The following LEUTX variants were observed in gnomAD, a reference collection of about 807,000 sequenced individuals.
LEUTX encodes paired-like homeodomain transcription factor LEUTX.
Under a neutral mutation model 4.5 loss-of-function variants are expected in LEUTX, and 5 were observed. The observed-to-expected ratio is 1.11, with a 90% confidence interval of 0.58 to 2.34. LEUTX has a LOEUF of 2.34. Ranked by LOEUF, LEUTX falls within the 30% of genes most tolerant of loss-of-function variation. The probability of loss-of-function intolerance (pLI) is 0.01; values close to 1 mark genes in which losing one functional copy is unlikely to be tolerated. For synonymous variants in LEUTX, 89 were observed against 85.1 expected, an observed-to-expected ratio of 1.05 and a Z score of -0.25; for missense variants, 233 against 239.4, an observed-to-expected ratio of 0.97 and a Z score of 0.18.
intron 1 of LEUTX, among the ~76,000 whole-genome samples, 191 bp downstream of exon 1, chr19:39,779,118 C>G (rs1967845454): frequency 6.6e-6 from 1 of 152,104 alleles, no homozygotes; most frequent in Non-Finnish European, 1.5e-5. Flanking sequence ...ATTTGTTTCT[C>G]CACATCTCTT....
intron 1 of LEUTX, among the ~76,000 whole-genome samples, chr19:39,780,069 T>G (rs1174178728): frequency 1.3e-5 from 2 of 152,230 alleles, no homozygotes; most frequent in Non-Finnish European, 2.9e-5. Flanking sequence ...TTTAGTTACA[T>G]TTTATTTTAA....
intron 1 of LEUTX, among the ~76,000 whole-genome samples, chr19:39,783,965 G>A (rs1967925756): frequency 1.3e-5 from 2 of 151,986 alleles, no homozygotes; most frequent in South Asian, 4.1e-4. Context: ...CTTTTGCCAT[G>A]CAAAATCTCT....
chr19:39,785,692 C>G lies in LEUTX; in HGVS notation c.160-6C>G. Reference sequence around the variant, plus strand: ...ATTATTAACCTCCCCCCTCCTCCCTCCTTAGATCTGGTTCAAGAACCAGCG... The same window carrying G: ...ATTATTAACCTCCCCCCTCCTCCCTGCTTAGATCTGGTTCAAGAACCAGCG... On this transcript the variant is annotated splice_region_variant and splice_polypyrimidine_tract_variant and intron_variant, in intron 2 of 2. Transcript: ENST00000638280. 6.4e-7 allele frequency: 1 copy of G among 1,551,028 alleles called. No homozygotes were observed.
chr19:39,780,491 ATC>A (rs1337088652), intron 1 of LEUTX, among the ~76,000 whole-genome samples: 1 of 152,128 alleles, frequency 6.6e-6, no homozygotes, highest in Non-Finnish European at 1.5e-5. Flanking sequence ...CCTGTGCCTC[ATC>A]TCTCAAATCT....
At chr19:39,779,543 G>A (rs76172757) in intron 1 of LEUTX, among the ~76,000 whole-genome samples, 1,624 of 151,200 alleles carry the variant, frequency 0.011, 27 homozygotes, top group African/African-American at 0.038. Flanking sequence ...GAATATTTTT[G>A]TTGTCTTCTA....
rs79083628 is a variant in LEUTX at position 39,785,623 on chromosome 19, G to A, written c.160-75G>A. 4.0e-4 allele frequency: 485 copies of A among 1,225,328 alleles called. No homozygotes were observed. The East Asian group carries it at 9.9e-3, about 25-fold the overall frequency. The allele number at this position is 1,225,328 out of a possible 1,614,324, so 75.9% of individuals were successfully genotyped here. ...AGACTCTCTCTCACACCAAAAAACCGAATTCCTGAGGAACATGAGGATGCC... is the reference window on the plus strand; with the variant it reads ...AGACTCTCTCTCACACCAAAAAACCAAATTCCTGAGGAACATGAGGATGCC... On this transcript the variant is annotated intron_variant, in intron 2 of 2. Coordinates refer to ENST00000638280, the MANE Select transcript of LEUTX (RefSeq NM_001382345.1).
At chr19:39,776,955 T>G (rs1967805693), upstream of LEUTX, among the ~76,000 whole-genome samples, 1 of 152,212 alleles carries the variant, frequency 6.6e-6, no homozygotes, top group South Asian at 2.1e-4. Flanking sequence ...TGTCCTTCAC[T>G]TGGAATAAAA....
chr19:39,778,340 G>C (rs1967830458), upstream of LEUTX, among the ~76,000 whole-genome samples: 1 of 152,106 alleles, frequency 6.6e-6, no homozygotes, highest in Non-Finnish European at 1.5e-5. Context: ...TATGGTTTAG[G>C]CTCTGCCAAG....
In LEUTX at chr19:39,786,038, A is replaced by G; in HGVS notation, c.500A>G (p.Lys167Arg). The G allele has an allele frequency of 6.4e-7, 1 of 1,551,726 alleles. No individual in the cohort carries two copies. The highest frequency in any genetic ancestry group is 1.2e-5 in the South Asian group (1 of 84,066). The change falls in exon 3 of 3, where the codon AAG becomes AGG. Residue 167 changes from lysine to arginine, a missense_variant. Transcript: ENST00000638280. ...STLFEIDEFVKIYDLPGEDDT... is the reference protein window; with the variant it reads ...STLFEIDEFVRIYDLPGEDDT... ...CTCTTTGAAATAGATGAATTTGTAA[A>G]GATCTATGACTTGCCAGGGGAAGAT...
At chr19:39,781,859 G>A (rs1207777081) in intron 1 of LEUTX, among the ~76,000 whole-genome samples, 1 of 152,174 alleles carries the variant, frequency 6.6e-6, no homozygotes, top group Non-Finnish European at 1.5e-5. Flanking sequence ...GTAATTAACA[G>A]ACTTGCTTCT....
chr19:39,786,191 C>A lies in LEUTX; in HGVS notation c.*56C>A, dbSNP rs1599619349. 2.3e-6 allele frequency: 3 copies of A among 1,309,306 alleles called. No homozygotes were observed. The East Asian group carries it at 7.6e-5, about 33-fold the overall frequency. 81.1% of individuals were successfully genotyped at this position (1,309,306 alleles called of 1,614,324 possible). ...GGATCTGACCCACTGAGACATATTTCCACACATCTTTAATGGTTTGACCCC... is the reference window on the plus strand; with the variant it reads ...GGATCTGACCCACTGAGACATATTTACACACATCTTTAATGGTTTGACCCC... On this transcript the variant is annotated 3_prime_UTR_variant, in exon 3 of 3. Transcript: ENST00000638280.
In LEUTX at chr19:39,785,865, T is replaced by G. The variant is rs1045146578; in HGVS notation, c.327T>G (p.Asp109Glu). Residue 109 changes from aspartate to glutamate, a missense_variant, in exon 3 of 3, where the codon GAT (aspartate) becomes GAG (glutamate). By Grantham distance (45) the Asp-to-Glu change is conservative. Coordinates refer to ENST00000638280, the MANE Select transcript of LEUTX (RefSeq NM_001382345.1). ...NIRPVSPGIS[D>E]ANDHDLREPS... ...GTCCAGTAAGTCCTGGAATCTCTGA[T>G]GCAAATGACCATGATCTACGTGAGC... The G allele has an allele frequency of 1.0e-5, 16 of 1,551,794 alleles. No individual in the cohort carries two copies. The highest frequency in any genetic ancestry group is 9.6e-6 in the Non-Finnish European group (11 of 1,147,010).
chr19:39,780,524 C>T (rs1967869949), intron 1 of LEUTX, among the ~76,000 whole-genome samples: 1 of 152,148 alleles, frequency 6.6e-6, no homozygotes, highest in Admixed American at 6.5e-5. Flanking sequence ...TTAATAAATA[C>T]TTTCATGATA....
chr19:39,780,545 C>T (rs1205401939), intron 1 of LEUTX, among the ~76,000 whole-genome samples: 2 of 152,246 alleles, frequency 1.3e-5, no homozygotes, highest in African/African-American at 4.8e-5. Context: ...CTCTCTGAAA[C>T]ATTTTTTAGT....
At chr19:39,781,001 GC>G (rs1345419521) in intron 1 of LEUTX, among the ~76,000 whole-genome samples, 2 of 152,056 alleles carry the variant, frequency 1.3e-5, no homozygotes, top group African/African-American at 4.8e-5. Flanking sequence ...ACCGTGCCCA[GC>G]CTTATTTCTT....
At chr19:39,782,611 A>G (rs1967903056) in intron 1 of LEUTX, among the ~76,000 whole-genome samples, 2 of 152,136 alleles carry the variant, frequency 1.3e-5, no homozygotes, top group Admixed American at 6.6e-5. Flanking sequence ...TTGGTGCCCA[A>G]TGTCATGGAG....
rs1452329189 is a variant in LEUTX, at chr19:39,785,962, G to A, written c.424G>A (p.Asp142Asn). Residue 142 changes from aspartate to asparagine, a missense_variant, in exon 3 of 3, where the codon GAC (aspartate) becomes AAC (asparagine). Physicochemically the swap from Asp to Asn is conservative, Grantham distance 23 (BLOSUM62 1). Coordinates refer to ENST00000638280, the MANE Select transcript of LEUTX (RefSeq NM_001382345.1). ...TTCATCCTGGGATTCTCAGTCATAT[G>A]ACATTGAACAGATATGTCTGGGGGC... The part of the protein sequence containing the change: ...RVSSWDSQSY[D>N]IEQICLGASN... 8 of 1,551,646 alleles carry A rather than the reference G, an allele frequency of 5.2e-6. No individual in the cohort carries two copies. The highest frequency in any genetic ancestry group is 7.0e-6 in the Non-Finnish European group (8 of 1,147,004).
chr19:39,779,302 C>T (rs1219591501), intron 1 of LEUTX, among the ~76,000 whole-genome samples: 10 of 152,154 alleles, frequency 6.6e-5, no homozygotes, highest in East Asian at 1.9e-4. Flanking sequence ...TGCCTAAGGT[C>T]GTCTTGAACT....
At chr19:39,784,119 T>G (rs934402076) in intron 1 of LEUTX, among the ~76,000 whole-genome samples, 1 of 152,184 alleles carries the variant, frequency 6.6e-6, no homozygotes, top group African/African-American at 2.4e-5. Context: ...TTTATTATTT[T>G]TTATTTATGC....
Sources: gnomAD v4.1 joint callset for allele counts (sites outside exome capture counted in the v4.1 genomes callset) on GRCh38, gnomAD v4.1.1 for gene constraint, MANE v1.5 for transcripts, NCBI Gene and HGNC (gene_info 2026-07-23, HGNC 2026-07-21) for gene names.